The following TOP1 variants were observed in gnomAD, a reference collection of about 807,000 sequenced individuals.
The protein encoded by TOP1 is DNA topoisomerase 1.
TOP1 carries 10 observed loss-of-function variants against 111.1 expected under a neutral mutation model. The observed-to-expected ratio is 0.09, with a 90% CI of 0.06 to 0.15. TOP1 has a LOEUF of 0.15. Ranked by LOEUF, TOP1 falls within the 10% of genes least tolerant of loss-of-function variation. The probability of loss-of-function intolerance (pLI) is 1.00; values close to 1 mark genes in which losing one functional copy is unlikely to be tolerated. For synonymous variants in TOP1, 271 were observed against 302.9 expected (o/e 0.89, Z 1.10); for missense variants, 474 against 926.7 (o/e 0.51, Z 6.34).
In TOP1 at chr20:41,109,107, G is replaced by A. The variant is rs1317762601; in HGVS notation, c.1309-3675G>A. On this transcript the variant is annotated intron_variant, in intron 13 of 20. Transcript: ENST00000361337. The surrounding 1 kb of genome is among the most constrained non-coding windows in gnomAD (Gnocchi z 4.1). ...TTTTCTCTTTAGAGTCTAGAATTCTGTGGGGTTCCAAAAATGTATGTGCTT... is the reference window on the plus strand; with the variant it reads ...TTTTCTCTTTAGAGTCTAGAATTCTATGGGGTTCCAAAAATGTATGTGCTT... 1.3e-5 allele frequency among the ~76,000 whole-genome samples: 2 copies of A among 152,104 alleles called. No homozygotes were observed. The highest frequency in any genetic ancestry group is 4.8e-5 in the African/African-American group (2 of 41,386).
At chr20:41,099,830 A>G (rs1170377733) in intron 11 of TOP1, among the ~76,000 whole-genome samples, 2 of 152,212 alleles carry the variant, frequency 1.3e-5, no homozygotes, top group Non-Finnish European at 2.9e-5. Context: ...CACAAGAATC[A>G]GTTTTGAATC....
rs544874905 is a variant in TOP1, at chr20:41,056,702, A to G, written c.59-4692A>G. ...TTGCTATGTTGCCCAGGCTGGTCTC[A>G]AACTCCTGGCCTCAAGTAAGCCTCC... On this transcript the variant is annotated intron_variant, in intron 2 of 20. Transcript: ENST00000361337. 2.6e-5 allele frequency among the ~76,000 whole-genome samples: 4 copies of G among 152,240 alleles called. No individual in the cohort carries two copies. In the East Asian group the frequency reaches 7.7e-4, roughly 29 times the overall value.
rs1424543879 is a variant in TOP1, at chr20:41,058,755, A to G, written c.59-2639A>G. On this transcript the variant is annotated intron_variant, in intron 2 of 20. Coordinates refer to ENST00000361337, the MANE Select transcript of TOP1 (RefSeq NM_003286.4). This position sits in a 1 kb window ranked among gnomAD's most constrained non-coding sequence, Gnocchi z 4.2. The stretch of plus-strand genomic sequence containing the variant: ...AAAGCGGAGTAACAAACAATCTTAT[A>G]GTCAAGATTGTGTTTGTGTAAGGTT... Among the ~76,000 whole-genome samples the G allele has an allele frequency of 5.9e-5, 9 of 152,186 alleles. No homozygotes were observed. Among genetic ancestry groups the G allele is most frequent in the Non-Finnish European group, 1.2e-4 (8 of 68,042 alleles).
chr20:41,089,776 A>T (rs901812821), intron 8 of TOP1, among the ~76,000 whole-genome samples: 3 of 151,986 alleles, frequency 2.0e-5, no homozygotes, highest in African/African-American at 7.2e-5. Context: ...CGAGGGTGCT[A>T]GCTTCCCTAC....
intron 13 of TOP1, among the ~76,000 whole-genome samples, chr20:41,104,950 T>G (rs949025737): frequency 7.9e-5 from 12 of 152,232 alleles, no homozygotes; most frequent in Admixed American, 4.6e-4. Flanking sequence ...TTATTTTTAG[T>G]GAAACATTTC....
At position 41,114,879 on chromosome 20, in the gene TOP1, A is replaced by AGG. The variant is rs1187593050; in HGVS notation, c.1639-491_1639-490dup. On this transcript the variant is annotated intron_variant, in intron 15 of 20. Coordinates refer to ENST00000361337, the MANE Select transcript of TOP1 (RefSeq NM_003286.4). This position sits in a 1 kb window ranked among gnomAD's most constrained non-coding sequence, Gnocchi z 4.5. The stretch of plus-strand genomic sequence containing the variant: ...TCTTATAAAGACACCTCTTCTCATA[A>AGG]GGACACCATAATCAGTAATCAGGTT... Among the ~76,000 whole-genome samples, 3 of 152,336 alleles carry AGG rather than the reference A, an allele frequency of 2.0e-5. No homozygotes were observed. Among genetic ancestry groups the AGG allele is most frequent in the South Asian group, 2.1e-4 (1 of 4,824 alleles).
rs1775096219 is a variant in TOP1 at position 41,034,038 on chromosome 20, A to G, written c.58+4583A>G. ...AAAATATATTGGATGTGGAGGTGAG[A>G]GTCAGTTGAGTGAATTTTCTGTGTT... On this transcript the variant is annotated intron_variant, in intron 2 of 20. Transcript: ENST00000361337. This position sits in a 1 kb window ranked among gnomAD's most constrained non-coding sequence, Gnocchi z 4.0. Among the ~76,000 whole-genome samples the G allele has an allele frequency of 6.6e-6, 1 of 152,042 alleles. No homozygotes were observed. Among genetic ancestry groups the G allele is most frequent in the African/African-American group, 2.4e-5 (1 of 41,412 alleles).
Position 41,118,080 on chromosome 20 carries a change from T to C in TOP1, c.1823-89T>C. On this transcript the variant is annotated intron_variant, in intron 17 of 20. Coordinates refer to ENST00000361337, the MANE Select transcript of TOP1 (RefSeq NM_003286.4). The surrounding 1 kb of genome is among the most constrained non-coding windows in gnomAD (Gnocchi z 4.6). ...AGTAAGATAAGAGCCAGCAAAATCA[T>C]GGGGACGAGGCACTGGGGGAAGACA... 2.1e-6 allele frequency: 3 copies of C among 1,416,378 alleles called. No individual in the cohort carries two copies. In the South Asian group the frequency reaches 4.5e-5, roughly 21 times the overall value. 87.7% of individuals were successfully genotyped at this position (1,416,378 alleles called of 1,614,324 possible).
intron 2 of TOP1, among the ~76,000 whole-genome samples, chr20:41,060,783 C>G (rs1316379101): frequency 6.6e-6 from 1 of 152,146 alleles, no homozygotes; most frequent in Non-Finnish European, 1.5e-5. Flanking sequence ...AACTCACCAC[C>G]ACATTACTTA....
chr20:41,034,782 T>A lies in TOP1; in HGVS notation c.58+5327T>A, dbSNP rs1280604247. Among the ~76,000 whole-genome samples the A allele has an allele frequency of 2.0e-5, 3 of 152,230 alleles. No homozygotes were observed. The highest frequency in any genetic ancestry group is 4.8e-5 in the African/African-American group (2 of 41,456). ...CTTTGGCTATCTGTATCGAAGTTTG[T>A]ATTAACTGTCTTTATGTGTGTCATT... is the stretch of plus-strand genomic sequence containing the variant. On this transcript the variant is annotated intron_variant, in intron 2 of 20. Transcript: ENST00000361337. The surrounding 1 kb of genome is among the most constrained non-coding windows in gnomAD (Gnocchi z 4.0).
At position 41,097,119 on chromosome 20, in the gene TOP1, G is replaced by A; in HGVS notation, c.731-101G>A. 1 of 1,334,310 alleles carries A rather than the reference G, an allele frequency of 7.5e-7. No homozygotes were observed. Among genetic ancestry groups the A allele is most frequent in the Non-Finnish European group, 1.0e-6 (1 of 975,148 alleles). 82.7% of individuals were successfully genotyped at this position (1,334,310 alleles called of 1,614,324 possible). ...GTGTCACCAGACCTTTATATACCAT[G>A]AGAAGGCAAACCATTATTAAAGAGA... On this transcript the variant is annotated intron_variant, in intron 9 of 20. Coordinates refer to ENST00000361337, the MANE Select transcript of TOP1 (RefSeq NM_003286.4). The surrounding 1 kb of genome is among the most constrained non-coding windows in gnomAD (Gnocchi z 4.2).
At chr20:41,077,897 G>C (rs1275403839) in intron 5 of TOP1, among the ~76,000 whole-genome samples, 1 of 150,938 alleles carries the variant, frequency 6.6e-6, no homozygotes, top group East Asian at 1.9e-4. Flanking sequence ...TAAAAATTGA[G>C]ATTTGACTTG....
At chr20:41,041,437 C>CAA (rs780663951) in intron 2 of TOP1, among the ~76,000 whole-genome samples, 34,256 of 88,552 alleles carry the variant, frequency 0.39, 6,029 homozygotes, top group East Asian at 0.67. Context: ...GACCCTGTCT[C>CAA]AAAAAAAAAA....
At chr20:41,070,086 T>G (rs948877275) in intron 3 of TOP1, among the ~76,000 whole-genome samples, 1 of 152,150 alleles carries the variant, frequency 6.6e-6, no homozygotes, top group African/African-American at 2.4e-5. Flanking sequence ...GGGGGAAATG[T>G]TGGGACTCGA....
At chr20:41,074,626 G>T (rs2033704555) in intron 3 of TOP1, among the ~76,000 whole-genome samples, 1 of 151,962 alleles carries the variant, frequency 6.6e-6, no homozygotes, top group Non-Finnish European at 1.5e-5. Context: ...AGCTACTTTT[G>T]TGTGCAGGGT....
At chr20:41,052,153 A>G (rs1568676477) in intron 2 of TOP1, among the ~76,000 whole-genome samples, 1 of 152,180 alleles carries the variant, frequency 6.6e-6, no homozygotes, top group Admixed American at 6.5e-5. Context: ...TAGATCTAGT[A>G]GTTAAGTGAC....
In TOP1 at chr20:41,101,446, C is replaced by G; in HGVS notation, c.1308+93C>G. On this transcript the variant is annotated intron_variant, in intron 13 of 20. Transcript: ENST00000361337. This position sits in a 1 kb window ranked among gnomAD's most constrained non-coding sequence, Gnocchi z 4.1. The stretch of plus-strand genomic sequence containing the variant: ...TTCTCGTCCTCTAGAATCACTTTGA[C>G]AAATTAAAAATCCTCCCCATTGAAA... The G allele has an allele frequency of 7.5e-7, 1 of 1,338,006 alleles. No homozygotes were observed. The highest frequency in any genetic ancestry group is 2.5e-5 in the East Asian group (1 of 40,204). The allele number at this position is 1,338,006 out of a possible 1,614,324, so 82.9% of individuals were successfully genotyped here.
chr20:41,098,543 G>C lies in TOP1; in HGVS notation c.975+206G>C. 2 of 501,362 alleles carry C rather than the reference G, an allele frequency of 4.0e-6. No homozygotes were observed. The highest frequency in any genetic ancestry group is 6.9e-6 in the Non-Finnish European group (2 of 290,782). 31.1% of individuals were successfully genotyped at this position (501,362 alleles called of 1,614,324 possible). ...AACAAGTACTTTGCTCAGTAGCTCTGTACAGGAATCTTGGTGCTTCAGTGA... is the reference window on the plus strand; with the variant it reads ...AACAAGTACTTTGCTCAGTAGCTCTCTACAGGAATCTTGGTGCTTCAGTGA... On this transcript the variant is annotated intron_variant, in intron 11 of 20. Transcript: ENST00000361337. The surrounding 1 kb of genome is among the most constrained non-coding windows in gnomAD (Gnocchi z 5.7).
At chr20:41,119,982 T>G (rs1055163440) in intron 18 of TOP1, among the ~76,000 whole-genome samples, 1 of 152,232 alleles carries the variant, frequency 6.6e-6, no homozygotes, top group Non-Finnish European at 1.5e-5. Context: ...TTTGTTGCTC[T>G]CGCTCTGGAA....
Sources: gnomAD v4.1 joint callset for allele counts (sites outside exome capture counted in the v4.1 genomes callset) on GRCh38, gnomAD v4.1.1 for gene constraint, Gnocchi (gnomAD v3.1) non-coding constraint, MANE v1.5 for transcripts, NCBI Gene and HGNC (gene_info 2026-07-23, HGNC 2026-07-21) for gene names.